PRR12: variants seen among roughly 807,000 people sequenced by gnomAD.
PRR12 encodes the protein proline-rich protein 12.
In PRR12, 12 loss-of-function variants were observed where a neutral mutation model predicts 138.0. The observed-to-expected ratio is 0.09, with a 90% CI of 0.06 to 0.14. The LOEUF (loss-of-function observed/expected upper bound fraction) is 0.14. Ranked by LOEUF, PRR12 falls within the 10% of genes least tolerant of loss-of-function variation. The probability of loss-of-function intolerance (pLI) is 1.00; values close to 1 mark genes in which losing one functional copy is unlikely to be tolerated. For synonymous variants in PRR12, 1,567 were observed against 1,291.7 expected, an observed-to-expected ratio of 1.21 and a Z score of -4.57; for missense variants, 2,692 against 2,861.3, an observed-to-expected ratio of 0.94 and a Z score of 1.35.
Position 49,591,599 on chromosome 19 carries a change from G to GCCCCCC in PRR12, c.-51_-50insCCCCCC. 2.4e-6 allele frequency: 1 copy of GCCCCCC among 416,636 alleles called. No individual in the cohort carries two copies. The highest frequency in any genetic ancestry group is 4.5e-6 in the Non-Finnish European group (1 of 224,334). The allele number at this position is 416,636 out of a possible 1,614,324, so 25.8% of individuals were successfully genotyped here. On this transcript the variant is annotated 5_prime_UTR_variant, in exon 1 of 14. Coordinates refer to ENST00000418929, the MANE Select transcript of PRR12 (RefSeq NM_020719.3). Reference sequence around the variant, plus strand: ...CGGCGGCGGAGGAGAGCGCGCGCGCGCCCCCTCCCTCCCTCCCTCCCTCCC... The same window carrying GCCCCCC: ...CGGCGGCGGAGGAGAGCGCGCGCGCGCCCCCCCCCCCTCCCTCCCTCCCTCCCTCCC...
intron 6 of PRR12, among the ~76,000 whole-genome samples, chr19:49,605,468 G>T (rs1001121123): frequency 1.3e-5 from 2 of 151,966 alleles, no homozygotes; most frequent in African/African-American, 4.8e-5. Flanking sequence ...CTCCATGTTG[G>T]CCAGGCTGCT....
chr19:49,618,580 G>C (rs751747226), intron 9 of PRR12, among the ~76,000 whole-genome samples: 2 of 152,036 alleles, frequency 1.3e-5, no homozygotes, highest in African/African-American at 2.4e-5. Flanking sequence ...TAGAGATGAG[G>C]TTTCACCATG....
intron 6 of PRR12, among the ~76,000 whole-genome samples, chr19:49,609,791 G>A (rs2080856491): frequency 6.6e-6 from 1 of 152,028 alleles, no homozygotes; most frequent in South Asian, 2.1e-4. Flanking sequence ...GCCCAGCCAT[G>A]TTGGACTTGG....
At chr19:49,610,898 G>A (rs572426780) in intron 6 of PRR12, among the ~76,000 whole-genome samples, 57 of 151,684 alleles carry the variant, frequency 3.8e-4, no homozygotes, top group African/African-American at 1.3e-3. Flanking sequence ...AGGCTGGAGT[G>A]CAGTGGCACA....
chr19:49,596,484 G>A lies in PRR12; in HGVS notation c.2149G>A (p.Ala717Thr). ...SASLDEGATAALELGLGRLKE... is the reference protein window; with the variant it reads ...SASLDEGATATLELGLGRLKE... ...CAGCCTGGATGAGGGTGCCACTGCG[G>A]CACTGGAGCTGGGCCTGGGGAGGCT... Residue 717 changes from alanine to threonine, a missense_variant, in exon 4 of 14, where the codon GCA becomes ACA. Transcript: ENST00000418929. This position sits in a 1 kb window ranked among gnomAD's most constrained non-coding sequence, Gnocchi z 5.6. 1.9e-6 allele frequency: 3 copies of A among 1,610,846 alleles called. No homozygotes were observed. The highest frequency in any genetic ancestry group is 2.5e-6 in the Non-Finnish European group (3 of 1,179,182).
Position 49,595,734 on chromosome 19 carries a change from C to A in PRR12, c.1399C>A (p.Gln467Lys). The A allele has an allele frequency of 6.3e-7, 1 of 1,594,798 alleles. No individual in the cohort carries two copies. The highest frequency in any genetic ancestry group is 1.3e-5 in the African/African-American group (1 of 74,472). ...YGQGFGGGQA[Q>K]DLSKAPSYSG... ...GCAAGGGTTTGGAGGGGGGCAGGCA[C>A]AGGACTTGAGCAAAGCCCCCAGCTA... The change falls in exon 4 of 14, where the codon CAG becomes AAG. Residue 467 changes from glutamine to lysine, a missense_variant. Gln to Lys is a moderately conservative substitution (Grantham distance 53, BLOSUM62 1). Around this residue, in one of 11 missense-constraint regions of PRR12, gnomAD observed 523 missense variants for 496.4 expected, o/e 1.05. Coordinates refer to ENST00000418929, the MANE Select transcript of PRR12 (RefSeq NM_020719.3).
intron 6 of PRR12, among the ~76,000 whole-genome samples, chr19:49,611,720 G>A (rs1379155292): frequency 6.8e-6 from 1 of 147,674 alleles, no homozygotes; most frequent in Non-Finnish European, 1.5e-5. Context: ...TCAGGAGATC[G>A]AGACCATCCT....
rs769414807 is a variant in PRR12, at chr19:49,599,599, C to G, written c.4006C>G (p.Pro1336Ala). 1 of 1,598,634 alleles carries G rather than the reference C, an allele frequency of 6.3e-7. No homozygotes were observed. Among genetic ancestry groups the G allele is most frequent in the Non-Finnish European group, 8.5e-7 (1 of 1,172,012 alleles). The change falls in exon 5 of 14, where the codon CCA becomes GCA. Residue 1336 changes from proline to alanine, a missense_variant. Physicochemically the swap from Pro to Ala is conservative, Grantham distance 27. Around this residue, in one of 11 missense-constraint regions of PRR12, gnomAD observed 326 missense variants for 344.2 expected, o/e 0.95. Transcript: ENST00000418929. This position sits in a 1 kb window ranked among gnomAD's most constrained non-coding sequence, Gnocchi z 5.0. ...TGCCACCCCTGCTGTGCCACATCCC[C>G]CACCTTCCGGAGCCTTTGGGCTTGG... is the stretch of plus-strand genomic sequence containing the variant. The part of the protein sequence containing the change: ...PPATPAVPHP[P>A]PSGAFGLGGA...
In PRR12 at chr19:49,595,267, A is replaced by G; in HGVS notation, c.932A>G (p.Gln311Arg). The change falls in exon 4 of 14, where the codon CAG becomes CGG. Residue 311 changes from glutamine to arginine, a missense_variant. Transcript: ENST00000418929. ...CCCCCGCCACCAGCCCATGCGCTCCAGCACTATCTGAGCTGTGGAGGCAGC... is the reference window on the plus strand; with the variant it reads ...CCCCCGCCACCAGCCCATGCGCTCCGGCACTATCTGAGCTGTGGAGGCAGC... ...PPPPPPAHALQHYLSCGGSYP... is the reference protein window; with the variant it reads ...PPPPPPAHALRHYLSCGGSYP... 1 of 1,544,888 alleles carries G rather than the reference A, an allele frequency of 6.5e-7. No individual in the cohort carries two copies. Among genetic ancestry groups the G allele is most frequent in the Non-Finnish European group, 8.7e-7 (1 of 1,146,138 alleles).
chr19:49,617,314 C>G (rs1441293605), intron 9 of PRR12, among the ~76,000 whole-genome samples: 2 of 152,052 alleles, frequency 1.3e-5, no homozygotes, highest in African/African-American at 2.4e-5. Context: ...CGTGAGATAG[C>G]TTGGTAGAAT....
chr19:49,619,535 CT>C (rs760207958), intron 9 of PRR12, among the ~76,000 whole-genome samples: 84 of 67,136 alleles, frequency 1.3e-3, no homozygotes, highest in East Asian at 5.2e-3. Context: ...ATGCCCAGCC[CT>C]TTTTTTTTTT....
rs1459416071 is a variant in PRR12 at position 49,597,291 on chromosome 19, G to C, written c.2956G>C (p.Ala986Pro). ...CGCTGGGCCACCCCCCGGCCCCCCTGCTTATGATCCCTATGGGCCCTACTG... is the reference window on the plus strand; with the variant it reads ...CGCTGGGCCACCCCCCGGCCCCCCTCCTTATGATCCCTATGGGCCCTACTG... ...AGAGPPPGPP[A>P]YDPYGPYCPG... Residue 986 changes from alanine (A) to proline (P), a missense_variant, in exon 4 of 14, where the codon GCT becomes CCT. Coordinates refer to ENST00000418929, the MANE Select transcript of PRR12 (RefSeq NM_020719.3). The surrounding 1 kb of genome is among the most constrained non-coding windows in gnomAD (Gnocchi z 6.3). The C allele has an allele frequency of 6.4e-7, 1 of 1,561,380 alleles. No homozygotes were observed. Among genetic ancestry groups the C allele is most frequent in the Non-Finnish European group, 8.7e-7 (1 of 1,155,312 alleles).
chr19:49,600,826 G>A (rs926934935), intron 5 of PRR12, among the ~76,000 whole-genome samples: 1 of 152,040 alleles, frequency 6.6e-6, no homozygotes, highest in Non-Finnish European at 1.5e-5. Flanking sequence ...CCAGGTTCAA[G>A]TGATTCTCCT....
Position 49,616,246 on chromosome 19 carries a change from G to T in PRR12, c.5497+27G>T. On this transcript the variant is annotated intron_variant, in intron 9 of 13. Coordinates refer to ENST00000418929, the MANE Select transcript of PRR12 (RefSeq NM_020719.3). This position sits in a 1 kb window ranked among gnomAD's most constrained non-coding sequence, Gnocchi z 4.2. ...TGAGGCCCTAGGCAGCCTCAGGGCTGCAGGGGTGGGTGGGGAAGGGACACA... is the reference window on the plus strand; with the variant it reads ...TGAGGCCCTAGGCAGCCTCAGGGCTTCAGGGGTGGGTGGGGAAGGGACACA... 1 of 1,486,716 alleles carries T rather than the reference G, an allele frequency of 6.7e-7. No homozygotes were observed. The highest frequency in any genetic ancestry group is 9.0e-7 in the Non-Finnish European group (1 of 1,116,142). The allele number at this position is 1,486,716 out of a possible 1,614,324, so 92.1% of individuals were successfully genotyped here.
chr19:49,594,314 C>T lies in PRR12; in HGVS notation c.200-140C>T, dbSNP rs2122284163. 1.4e-6 allele frequency: 1 copy of T among 702,266 alleles called. No individual in the cohort carries two copies. Among genetic ancestry groups the T allele is most frequent in the South Asian group, 2.0e-5 (1 of 49,250 alleles). The allele number at this position is 702,266 out of a possible 1,614,324, so 43.5% of individuals were successfully genotyped here. On this transcript the variant is annotated intron_variant, in intron 2 of 13. Transcript: ENST00000418929. This position sits in a 1 kb window ranked among gnomAD's most constrained non-coding sequence, Gnocchi z 5.6. ...CATGTCTCATTAGCTTGGTTCTATC[C>T]ATCTTGTTTTTGAATTTGCCCTTTT...
At chr19:49,622,908 C>CAG (rs2049997831) in intron 11 of PRR12, among the ~76,000 whole-genome samples, 1 of 97,222 alleles carries the variant, frequency 1.0e-5, no homozygotes, top group Non-Finnish European at 1.8e-5. Context: ...AAAACAAAAA[C>CAG]ATATATATAT....
Position 49,601,689 on chromosome 19 carries a change from C to A in PRR12, c.4544C>A (p.Pro1515Gln), listed in dbSNP as rs1263728584. The A allele has an allele frequency of 1.3e-6, 2 of 1,538,730 alleles. No individual in the cohort carries two copies. The highest frequency in any genetic ancestry group is 1.2e-5 in the South Asian group (1 of 83,868). ...CCAGCCATGCCCTCGCCTCCACCAC[C>A]ACCCCCACCAGCCGCTGCCCCACTG... ...PPPAMPSPPP[P>Q]PPPAAAPLAA... Residue 1515 changes from proline to glutamine, a missense_variant, in exon 6 of 14, where the codon CCA becomes CAA. By Grantham distance (76) the Pro-to-Gln change is moderately conservative (BLOSUM62 -1). This residue lies in a region of PRR12 where 231 missense variants were observed against 200.8 expected (regional missense o/e 1.15). Coordinates refer to ENST00000418929, the MANE Select transcript of PRR12 (RefSeq NM_020719.3).
At chr19:49,619,571 C>T (rs1401258547) in intron 9 of PRR12, among the ~76,000 whole-genome samples, 4 of 86,880 alleles carry the variant, frequency 4.6e-5, no homozygotes, top group Non-Finnish European at 6.1e-5. Flanking sequence ...GACGGAGTTT[C>T]GCTCTTGTTG....
At chr19:49,620,293 C>G in intron 9 of PRR12, 59 bp from the exon 10 acceptor site, 70 of 1,603,464 alleles carry the variant, frequency 4.4e-5, no homozygotes, top group Non-Finnish European at 6.0e-5. Flanking sequence ...CAGTGTCTGC[C>G]ACACAGGTGG....
Sources: allele counts gnomAD v4.1 joint callset (sites outside exome capture counted in the v4.1 genomes callset), GRCh38; gene constraint gnomAD v4.1.1; regional missense constraint gnomAD v4.1.1; non-coding constraint Gnocchi (gnomAD v3.1); transcripts MANE v1.5; gene names NCBI Gene and HGNC (gene_info 2026-07-23, HGNC 2026-07-21).